HIVEP1: variants seen among roughly 807,000 people sequenced by gnomAD.
HIVEP1 encodes HIVEP zinc finger 1.
HIVEP1 carries 36 observed loss-of-function variants against 180.0 expected under a neutral mutation model. The ratio of observed to expected loss-of-function variants is 0.20; its 90% CI spans 0.15 to 0.26. The LOEUF is 0.26. HIVEP1 is among the 10% of genes least tolerant of loss of function. The pLI is 1.00. For synonymous variants in HIVEP1, 1,239 were observed against 1,239.0 expected (o/e 1.00, Z 0.00); for missense variants, 3,143 against 3,268.7 (o/e 0.96, Z 0.94).
At chr6:12,034,542 CCA>C (rs1769156270) in intron 2 of HIVEP1, among the ~76,000 whole-genome samples, 1 of 152,038 alleles carries the variant, frequency 6.6e-6, no homozygotes, top group Non-Finnish European at 1.5e-5. Flanking sequence ...TAAGACAAGC[CCA>C]AAACTGTAAC....
chr6:12,147,267 T>G (rs1562000218), intron 7 of HIVEP1, among the ~76,000 whole-genome samples: 1 of 152,228 alleles, frequency 6.6e-6, no homozygotes, highest in African/African-American at 2.4e-5. Flanking sequence ...TTTATACCCA[T>G]TTCTTCATGT....
intron 7 of HIVEP1, among the ~76,000 whole-genome samples, chr6:12,139,160 T>C (rs944154053): frequency 6.6e-6 from 1 of 151,968 alleles, no homozygotes; most frequent in Non-Finnish European, 1.5e-5. Flanking sequence ...TCCTGACTCA[T>C]TTGGAGCACT....
At chr6:12,014,808 C>G (rs1767629134) in intron 1 of HIVEP1, among the ~76,000 whole-genome samples, 1 of 152,220 alleles carries the variant, frequency 6.6e-6, no homozygotes. Context: ...ACAAATAACT[C>G]TCAAACCTCA....
At chr6:12,048,023 G>T (rs9296244) in intron 2 of HIVEP1, among the ~76,000 whole-genome samples, 3 of 152,060 alleles carry the variant, frequency 2.0e-5, no homozygotes, top group Non-Finnish European at 4.4e-5. Context: ...AGGCTCAACT[G>T]TTGCTGTTCC....
rs146262160 is a variant in HIVEP1, at chr6:12,113,671, C to T, written c.95-6219C>T. On this transcript the variant is annotated intron_variant, in intron 3 of 8. Transcript: ENST00000379388. Reference sequence around the variant, plus strand: ...TAACCTGGTTGTAGAATACCTTTTCCATCCTATCTCCCACTCTACTAATAG... The same window carrying T: ...TAACCTGGTTGTAGAATACCTTTTCTATCCTATCTCCCACTCTACTAATAG... Among the ~76,000 whole-genome samples the T allele has an allele frequency of 2.1e-3, 326 of 152,276 alleles. 2 individuals are homozygous for T. Among genetic ancestry groups the T allele is most frequent in the East Asian group, 2.3e-3 (12 of 5,176 alleles).
chr6:12,052,589 A>G (rs1426576966), intron 2 of HIVEP1, among the ~76,000 whole-genome samples: 1 of 152,194 alleles, frequency 6.6e-6, no homozygotes, highest in Non-Finnish European at 1.5e-5. Context: ...AATTAAAACT[A>G]TCTTATGAGG....
intron 2 of HIVEP1, among the ~76,000 whole-genome samples, chr6:12,025,454 C>T (rs962539074): frequency 2.6e-5 from 4 of 152,092 alleles, no homozygotes; most frequent in South Asian, 2.1e-4. Flanking sequence ...TCATCCAAGA[C>T]GTTTGCTTAC....
At chr6:12,180,683 A>G in the HIVEP1 span, among the ~76,000 whole-genome samples, 3 of 152,200 alleles carry the variant, frequency 2.0e-5, no homozygotes, top group Non-Finnish European at 4.4e-5. Flanking sequence ...GCATTAGGCC[A>G]CCTTCTGGGC....
chr6:12,012,187 G>A (rs1319572304), upstream of HIVEP1: 1 of 141,588 alleles, frequency 7.1e-6, no homozygotes, highest in Non-Finnish European at 1.6e-5. Flanking sequence ...GTGGCTCCGG[G>A]CGCCGGCGAG....
downstream of HIVEP1, among the ~76,000 whole-genome samples, chr6:12,168,948 C>T (rs965547897): frequency 4.0e-5 from 6 of 150,752 alleles, no homozygotes; most frequent in East Asian, 1.9e-4. Context: ...AGTGCAGTGG[C>T]GCAATCTCAG....
intron 3 of HIVEP1, among the ~76,000 whole-genome samples, chr6:12,118,813 C>A (rs181116052): frequency 3.3e-5 from 5 of 152,306 alleles, no homozygotes; most frequent in Admixed American, 2.0e-4. Context: ...ATCAGCAATA[C>A]TTCATGGCTG....
At chr6:12,062,830 C>T (rs1046332332) in intron 2 of HIVEP1, among the ~76,000 whole-genome samples, 2 of 152,130 alleles carry the variant, frequency 1.3e-5, no homozygotes, top group African/African-American at 4.8e-5. Flanking sequence ...TGTCATTTTG[C>T]GTATTGAAAG....
the HIVEP1 span, among the ~76,000 whole-genome samples, chr6:12,193,696 G>A: frequency 6.6e-6 from 1 of 152,158 alleles, no homozygotes; most frequent in Non-Finnish European, 1.5e-5. Context: ...AGACACTACA[G>A]ATGAAAAGCA....
Position 12,103,184 on chromosome 6 carries a change from GTAATAATAA to G in HIVEP1, c.94+13971_94+13979del, listed in dbSNP as rs60181903. ...TGCAACCAGCGATGGTGTTGATTAT[GTAATAATAA>G]TAATAATAATAATAATAATAATATC... On this transcript the variant is annotated intron_variant, in intron 3 of 8. Transcript: ENST00000379388. 5.6e-3 allele frequency among the ~76,000 whole-genome samples: 827 copies of G among 147,652 alleles called. 7 individuals are homozygous for G. The highest frequency in any genetic ancestry group is 0.035 in the Middle Eastern group (10 of 286).
At chr6:12,209,709 G>A in the HIVEP1 span, among the ~76,000 whole-genome samples, 19 of 152,074 alleles carry the variant, frequency 1.2e-4, no homozygotes, top group East Asian at 1.9e-4. Flanking sequence ...AGTGCTTTAC[G>A]TGTATTGGTT....
At chr6:12,061,509 T>C (rs531755546) in intron 2 of HIVEP1, among the ~76,000 whole-genome samples, 3 of 152,282 alleles carry the variant, frequency 2.0e-5, no homozygotes, top group South Asian at 2.1e-4. Flanking sequence ...AACGAAACAA[T>C]GAAAGTTAGA....
At chr6:12,028,573 T>C (rs746739100) in intron 2 of HIVEP1, among the ~76,000 whole-genome samples, 1 of 152,262 alleles carries the variant, frequency 6.6e-6, no homozygotes, top group Non-Finnish European at 1.5e-5. Context: ...CATGTTAATA[T>C]CTTCTTGGAA....
In HIVEP1 at chr6:12,121,651, A is replaced by G. The variant is rs548393511; in HGVS notation, c.1856A>G (p.Asn619Ser). The change falls in exon 4 of 9, where the codon AAT becomes AGT. Residue 619 changes from asparagine to serine, a missense_variant. Physicochemically the swap from Asn to Ser is conservative, Grantham distance 46. This residue lies in a region of HIVEP1 where 365 missense variants were observed against 344.4 expected (regional missense o/e 1.06). Transcript: ENST00000379388. The surrounding 1 kb of genome is among the most constrained non-coding windows in gnomAD (Gnocchi z 5.3). ...GGTGGAGTCTCCAGGTTGGAGACTA[A>G]TGAGAATTCCCACCAGAAAGGCGAC... ...SQGGVSRLET[N>S]ENSHQKGDMN... The G allele has an allele frequency of 1.7e-5, 27 of 1,614,062 alleles. No individual in the cohort carries two copies. Among genetic ancestry groups the G allele is most frequent in the Non-Finnish European group, 2.3e-5 (27 of 1,180,020 alleles).
At chr6:12,142,103 C>A (rs1759074504) in intron 7 of HIVEP1, among the ~76,000 whole-genome samples, 2 of 152,040 alleles carry the variant, frequency 1.3e-5, no homozygotes, top group South Asian at 2.1e-4. Flanking sequence ...ACCACATCGC[C>A]CTTATTCTAA....
Sources: allele counts gnomAD v4.1 joint callset (sites outside exome capture counted in the v4.1 genomes callset), GRCh38; gene constraint gnomAD v4.1.1; regional missense constraint gnomAD v4.1.1; non-coding constraint Gnocchi (gnomAD v3.1); transcripts MANE v1.5; gene names NCBI Gene and HGNC (gene_info 2026-07-23, HGNC 2026-07-21).